Variants in RGS20 observed in about 807,000 individuals in gnomAD.
The protein encoded by RGS20 is gz-selective GTPase-activating protein.
In RGS20, 30 loss-of-function variants were observed where a neutral mutation model predicts 33.6. The ratio of observed to expected loss-of-function variants is 0.89; its 90% CI spans 0.67 to 1.21. The LOEUF (loss-of-function observed/expected upper bound fraction) is 1.21. Among genes scored for constraint, RGS20 ranks in the 50% most tolerant of loss-of-function variants. The pLI is 0.00. For synonymous variants in RGS20, 208 were observed against 197.9 expected (o/e 1.05, Z -0.43); for missense variants, 472 against 502.4 (o/e 0.94, Z 0.58).
At chr8:53,938,734 A>G (rs887579637) in intron 2 of RGS20, among the ~76,000 whole-genome samples, 1 of 152,202 alleles carries the variant, frequency 6.6e-6, no homozygotes, top group Non-Finnish European at 1.5e-5. Context: ...AAGTGATAGT[A>G]TCCAACGTAA....
intron 2 of RGS20, among the ~76,000 whole-genome samples, chr8:53,909,633 TG>T (rs1393633172): frequency 6.6e-6 from 1 of 152,100 alleles, no homozygotes; most frequent in African/African-American, 2.4e-5. Flanking sequence ...ATTAAAAATT[TG>T]GAGATATATT....
At chr8:53,894,222 A>G (rs7821073) in intron 2 of RGS20, among the ~76,000 whole-genome samples, 13,567 of 152,204 alleles carry the variant, frequency 0.089, 1,802 homozygotes, top group African/African-American at 0.29. Context: ...CCCTGCGAAG[A>G]GTCCAAAGCG....
chr8:53,935,956 A>T (rs202025521), intron 2 of RGS20, among the ~76,000 whole-genome samples: 1 of 152,270 alleles, frequency 6.6e-6, no homozygotes, highest in Non-Finnish European at 1.5e-5. Flanking sequence ...ATGCAAATCA[A>T]TAAACATAAT....
chr8:53,878,893 G>C (rs1387981727), intron 1 of RGS20, among the ~76,000 whole-genome samples: 1 of 152,198 alleles, frequency 6.6e-6, no homozygotes, highest in Non-Finnish European at 1.5e-5. Flanking sequence ...AGAACCAGGC[G>C]ATGTGAACAC....
chr8:53,898,177 GTGA>G (rs1002590862), intron 2 of RGS20, among the ~76,000 whole-genome samples: 31 of 152,074 alleles, frequency 2.0e-4, no homozygotes, highest in African/African-American at 7.5e-4. Flanking sequence ...AGGAGTGGTG[GTGA>G]TGATGATGAT....
At chr8:53,863,559 C>A (rs915085795) in intron 1 of RGS20, among the ~76,000 whole-genome samples, 3 of 152,046 alleles carry the variant, frequency 2.0e-5, no homozygotes, top group Non-Finnish European at 4.4e-5. Flanking sequence ...TTGAAGATGT[C>A]CTTTTTTACC....
chr8:53,912,085 A>G (rs1813361446), intron 2 of RGS20, among the ~76,000 whole-genome samples: 1 of 152,226 alleles, frequency 6.6e-6, no homozygotes, highest in Admixed American at 6.5e-5. Context: ...AACATAAATC[A>G]CAAGACTGCA....
intron 2 of RGS20, among the ~76,000 whole-genome samples, chr8:53,927,202 T>G (rs1424933205): frequency 3.7e-5 from 3 of 80,850 alleles, no homozygotes; most frequent in African/African-American, 2.0e-4. Flanking sequence ...TTTTGGGGCG[T>G]TTTTTTTTTT....
At chr8:53,909,447 C>T (rs757855041) in intron 2 of RGS20, among the ~76,000 whole-genome samples, 42 of 151,232 alleles carry the variant, frequency 2.8e-4, no homozygotes, top group Admixed American at 4.6e-4. Flanking sequence ...GACAGGGTTT[C>T]CCTATATTAC....
intron 1 of RGS20, among the ~76,000 whole-genome samples, chr8:53,853,779 A>G (rs776601964): frequency 6.6e-6 from 1 of 152,242 alleles, no homozygotes; most frequent in Non-Finnish European, 1.5e-5. Flanking sequence ...ACAAACATAT[A>G]GCATATTATC....
chr8:53,954,111 C>G lies in RGS20; in HGVS notation c.779C>G (p.Ala260Gly), dbSNP rs1378890000. The change falls in exon 5 of 6, where the codon GCT becomes GGT. Residue 260 changes from alanine to glycine, a missense_variant. By Grantham distance (60) the Ala-to-Gly change is moderately conservative (BLOSUM62 0). Coordinates refer to ENST00000297313, the MANE Select transcript of RGS20 (RefSeq NM_170587.4). Reference sequence around the variant, plus strand: ...ACTCTGGAAGAAGTCAACGCCTGGGCTCAGTCATTTGACAAATTAATGGTC... The same window carrying G: ...ACTCTGGAAGAAGTCAACGCCTGGGGTCAGTCATTTGACAAATTAATGGTC... 1 of 1,613,926 alleles carries G rather than the reference C, an allele frequency of 6.2e-7. No homozygotes were observed. The highest frequency in any genetic ancestry group is 8.5e-7 in the Non-Finnish European group (1 of 1,179,978).
chr8:53,954,131 A>G lies in RGS20; in HGVS notation c.799A>G (p.Met267Val). The change falls in exon 5 of 6, where the codon ATG becomes GTG. Residue 267 changes from methionine to valine, a missense_variant. This residue lies in a region of RGS20 where 125 missense variants were observed against 169.5 expected (regional missense o/e 0.74). Coordinates refer to ENST00000297313, the MANE Select transcript of RGS20 (RefSeq NM_170587.4). ...CTGGGCTCAGTCATTTGACAAATTA[A>G]TGGTCACTCCAGCAGGAAGGAATGC... 6.2e-7 allele frequency: 1 copy of G among 1,614,128 alleles called. No homozygotes were observed. The highest frequency in any genetic ancestry group is 2.2e-5 in the East Asian group (1 of 44,878).
chr8:53,866,367 A>C (rs1332029744), intron 1 of RGS20, among the ~76,000 whole-genome samples: 1 of 151,932 alleles, frequency 6.6e-6, no homozygotes, highest in African/African-American at 2.4e-5. Context: ...AAGGAAGGGA[A>C]GAGAAGGACA....
Position 53,924,432 on chromosome 8 carries a change from C to T in RGS20, c.511-15144C>T, listed in dbSNP as rs1291787898. Among the ~76,000 whole-genome samples, 5 of 151,778 alleles carry T rather than the reference C, an allele frequency of 3.3e-5. No homozygotes were observed. In the East Asian group the frequency reaches 9.7e-4, roughly 29 times the overall value. ...TGAACTCCTGACCTCAAGTGATCTACCCCCCTTGGCCTCCCAAAGTGCTAG... is the reference window on the plus strand; with the variant it reads ...TGAACTCCTGACCTCAAGTGATCTATCCCCCTTGGCCTCCCAAAGTGCTAG... On this transcript the variant is annotated intron_variant, in intron 2 of 5. Coordinates refer to ENST00000297313, the MANE Select transcript of RGS20 (RefSeq NM_170587.4).
chr8:53,854,197 A>C (rs553845211), intron 1 of RGS20, among the ~76,000 whole-genome samples: 13 of 152,206 alleles, frequency 8.5e-5, no homozygotes, highest in Non-Finnish European at 1.5e-5. Flanking sequence ...GACACCAAAA[A>C]ATCATGATCC....
At chr8:53,873,706 A>G (rs1251257675) in intron 1 of RGS20, among the ~76,000 whole-genome samples, 1 of 152,232 alleles carries the variant, frequency 6.6e-6, no homozygotes. Flanking sequence ...AGACAAAATT[A>G]TTGCTTAGTT....
At chr8:53,862,887 G>T (rs1177490604) in intron 1 of RGS20, among the ~76,000 whole-genome samples, 1 of 152,234 alleles carries the variant, frequency 6.6e-6, no homozygotes, top group African/African-American at 2.4e-5. Context: ...TCAGAAATGG[G>T]CTGGGTTTTT....
intron 2 of RGS20, among the ~76,000 whole-genome samples, chr8:53,908,549 A>G (rs905641414): frequency 3.3e-5 from 5 of 152,056 alleles, no homozygotes; most frequent in Non-Finnish European, 7.4e-5. Context: ...CTGAGGCAGG[A>G]TAATCTCTTC....
intron 2 of RGS20, among the ~76,000 whole-genome samples, chr8:53,889,412 CTTTTTTTTTTTTTTTTTTTTTTT>C (rs34316630): frequency 5.5e-3 from 232 of 41,856 alleles, no homozygotes; most frequent in African/African-American, 0.013. Flanking sequence ...CTCTCTCTCT[CTTTTTTTTTTTTTTTTTTTTTTT>C]TTTTTTTTTT....
Sources: allele counts gnomAD v4.1 joint callset (sites outside exome capture counted in the v4.1 genomes callset), GRCh38; gene constraint gnomAD v4.1.1; regional missense constraint gnomAD v4.1.1; transcripts MANE v1.5; gene names NCBI Gene and HGNC (gene_info 2026-07-23, HGNC 2026-07-21).